The following KPNA6 variants were observed in gnomAD, a reference collection of about 807,000 sequenced individuals.
KPNA6 encodes importin subunit alpha-7.
In KPNA6, 9 loss-of-function variants were observed where a neutral mutation model predicts 72.0. That is an observed-to-expected ratio of 0.13 (90% CI 0.08 to 0.22). The LOEUF is 0.22. Among genes scored for constraint, KPNA6 ranks in the 10% least tolerant of loss-of-function variants. The pLI is 1.00. For missense variants in KPNA6, 374 were observed against 655.7 expected (o/e 0.57, Z 4.69); for synonymous variants, 219 against 242.1 (o/e 0.90, Z 0.89).
At chr1:32,170,268 A>G (rs1288465825) in intron 13 of KPNA6, among the ~76,000 whole-genome samples, 1 of 152,206 alleles carries the variant, frequency 6.6e-6, no homozygotes, top group African/African-American at 2.4e-5. Flanking sequence ...GAGTATAATC[A>G]GGATGTGCTG....
chr1:32,160,188 A>G (rs1045558959), intron 6 of KPNA6, among the ~76,000 whole-genome samples: 16 of 151,434 alleles, frequency 1.1e-4, no homozygotes, highest in African/African-American at 3.6e-4. Context: ...AATCCCAGCT[A>G]TTCAGGAGGC....
chr1:32,138,498 G>C (rs1008553978), intron 1 of KPNA6, among the ~76,000 whole-genome samples: 14 of 147,974 alleles, frequency 9.5e-5, no homozygotes, highest in Admixed American at 4.1e-4. Flanking sequence ...AGCCGAGATC[G>C]CGCCATTGCA....
chr1:32,168,933 A>C (rs1316906690), intron 12 of KPNA6, among the ~76,000 whole-genome samples: 2 of 152,176 alleles, frequency 1.3e-5, no homozygotes, highest in Non-Finnish European at 2.9e-5. Flanking sequence ...GAGGGGTAAT[A>C]TTGCAGCCAA....
intron 4 of KPNA6, among the ~76,000 whole-genome samples, chr1:32,157,699 T>C (rs1253001086): frequency 1.3e-5 from 2 of 152,144 alleles, no homozygotes; most frequent in Non-Finnish European, 2.9e-5. Context: ...GTTTTATCTT[T>C]TTACCTTGCC....
intron 1 of KPNA6, among the ~76,000 whole-genome samples, chr1:32,120,303 G>A (rs892892517): frequency 2.7e-5 from 4 of 149,744 alleles, no homozygotes; most frequent in Non-Finnish European, 4.4e-5. Flanking sequence ...GGAGTGCAGT[G>A]GTGTGATTTT....
At chr1:32,127,564 T>C (rs991360778) in intron 1 of KPNA6, among the ~76,000 whole-genome samples, 3 of 152,252 alleles carry the variant, frequency 2.0e-5, no homozygotes, top group Non-Finnish European at 4.4e-5. Context: ...CAGAGGGATT[T>C]TTATAATTCA....
Position 32,162,664 on chromosome 1 carries a change from G to A in KPNA6, c.911+140G>A, listed in dbSNP as rs74485811. The A allele has an allele frequency of 9.5e-5, 77 of 813,778 alleles. No homozygotes were observed. The East Asian group carries it at 1.4e-3, about 15-fold the overall frequency. 50.4% of individuals were successfully genotyped at this position (813,778 alleles called of 1,614,324 possible). On this transcript the variant is annotated intron_variant, in intron 9 of 13. Transcript: ENST00000373625. ...AGCCTGACCAACATGGTGAAACCCC[G>A]TCTCTACTAAAAATACAAAAATTAG...
At chr1:32,166,047 A>G in intron 10 of KPNA6, 58 bp from the exon 11 acceptor site, 1 of 1,526,772 alleles carries the variant, frequency 6.5e-7, no homozygotes, top group Non-Finnish European at 8.8e-7. Flanking sequence ...AAAAAAACAT[A>G]AAAAAAATTA....
chr1:32,131,620 A>G (rs890203856), intron 1 of KPNA6, among the ~76,000 whole-genome samples: 2 of 146,612 alleles, frequency 1.4e-5, no homozygotes, highest in African/African-American at 4.9e-5. Flanking sequence ...ACACATATAT[A>G]TACATATATA....
chr1:32,110,103 C>T (rs1641220914), intron 1 of KPNA6, among the ~76,000 whole-genome samples: 1 of 123,662 alleles, frequency 8.1e-6, no homozygotes, highest in Non-Finnish European at 1.6e-5. Context: ...TCACTCTTGT[C>T]TCCCATGCTG....
At chr1:32,144,692 C>T (rs939852406) in intron 1 of KPNA6, among the ~76,000 whole-genome samples, 3 of 151,948 alleles carry the variant, frequency 2.0e-5, no homozygotes, top group African/African-American at 7.3e-5. Flanking sequence ...GCTCTGTCGC[C>T]CAGGGTGGAA....
intron 1 of KPNA6, among the ~76,000 whole-genome samples, chr1:32,125,585 G>A (rs1175789681): frequency 6.6e-6 from 1 of 152,208 alleles, no homozygotes; most frequent in East Asian, 1.9e-4. Context: ...TCCTGCTCAT[G>A]TAATAGTAAG....
chr1:32,123,776 C>T (rs1381172135), intron 1 of KPNA6, among the ~76,000 whole-genome samples: 12 of 150,000 alleles, frequency 8.0e-5, no homozygotes, highest in Non-Finnish European at 1.3e-4. Context: ...TGGCTCACGC[C>T]TGTAATCCCA....
intron 1 of KPNA6, among the ~76,000 whole-genome samples, chr1:32,139,184 G>A (rs1024551500): frequency 6.6e-6 from 1 of 152,110 alleles, no homozygotes; most frequent in Non-Finnish European, 1.5e-5. Context: ...TGTAGATGCC[G>A]GGGATACAAC....
Position 32,158,338 on chromosome 1 carries a change from A to G in KPNA6, c.403A>G (p.Arg135Gly), listed in dbSNP as rs1214809081. 1.2e-6 allele frequency: 2 copies of G among 1,612,738 alleles called. No homozygotes were observed. The highest frequency in any genetic ancestry group is 2.7e-5 in the African/African-American group (2 of 74,914). Residue 135 changes from arginine to glycine, a missense_variant, in exon 5 of 14, where the codon AGG (arginine) becomes GGG (glycine). Physicochemically the swap from Arg to Gly is moderately radical, Grantham distance 125. This residue lies in a region of KPNA6 where 298 missense variants were observed against 495.4 expected (regional missense o/e 0.60). Coordinates refer to ENST00000373625, the MANE Select transcript of KPNA6 (RefSeq NM_012316.5). ...GGATCGGTTCGTGGAGTTTCTGAAG[A>G]GGAATGAGAATTGTACATTACAGGT... ...VVDRFVEFLK[R>G]NENCTLQFEA...
chr1:32,170,878 A>G lies in KPNA6; in HGVS notation c.1595A>G (p.Glu532Gly), dbSNP rs1212234390. 1 of 1,614,008 alleles carries G rather than the reference A, an allele frequency of 6.2e-7. No homozygotes were observed. Among genetic ancestry groups the G allele is most frequent in the Non-Finnish European group, 8.5e-7 (1 of 1,179,988 alleles). ...TTCCAGCAGCCTGAGGCCCCCATGG[A>G]GGGCTTCCAGCTATAATATCTGCCT... ...FIFQQPEAPM[E>G]GFQL The change falls in exon 14 of 14, where the codon GAG becomes GGG. Residue 532 changes from glutamate (E) to glycine (G), a missense_variant. Transcript: ENST00000373625.
intron 2 of KPNA6, among the ~76,000 whole-genome samples, chr1:32,155,320 T>G (rs1642118618): frequency 1.3e-5 from 2 of 149,480 alleles, no homozygotes; most frequent in South Asian, 4.2e-4. Context: ...CTTTTCTTTT[T>G]TTTTTCTTTT....
At chr1:32,169,860 T>G in intron 12 of KPNA6, 22 bp from the exon 13 acceptor site, 1 of 1,610,662 alleles carries the variant, frequency 6.2e-7, no homozygotes, top group Non-Finnish European at 8.5e-7. Context: ...AGTTTAGCAC[T>G]TGCCTGGTCT....
chr1:32,121,934 C>T (rs1195641280), intron 1 of KPNA6, among the ~76,000 whole-genome samples: 1 of 151,852 alleles, frequency 6.6e-6, no homozygotes, highest in Non-Finnish European at 1.5e-5. Flanking sequence ...GATCGTGCCA[C>T]TGCCCTCCAG....
Sources: gnomAD v4.1 joint callset for allele counts (sites outside exome capture counted in the v4.1 genomes callset) on GRCh38, gnomAD v4.1.1 for gene constraint, gnomAD v4.1.1 regional missense constraint, MANE v1.5 for transcripts, NCBI Gene and HGNC (gene_info 2026-07-23, HGNC 2026-07-21) for gene names.